The following USP3 variants were observed in gnomAD, a reference collection of about 807,000 sequenced individuals.
The protein encoded by USP3 is ubiquitin carboxyl-terminal hydrolase 3.
A neutral mutation model predicts 72.3 loss-of-function variants in USP3; 20 were observed. The observed-to-expected ratio is 0.28, with a 90% CI of 0.19 to 0.40. The LOEUF (loss-of-function observed/expected upper bound fraction) is 0.40. USP3 is among the 10% of genes least tolerant of loss of function. USP3 has a pLI of 1.00. For synonymous variants in USP3, 222 were observed against 225.3 expected, an observed-to-expected ratio of 0.99 and a Z score of 0.13; for missense variants, 479 against 633.9, an observed-to-expected ratio of 0.76 and a Z score of 2.62.
rs544717083 is a variant in USP3 at position 63,504,596 on chromosome 15, T to G, written c.-144T>G. 2.3e-5 allele frequency: 14 copies of G among 604,822 alleles called. No homozygotes were observed. The highest frequency in any genetic ancestry group is 2.3e-4 in the South Asian group (9 of 39,042). The allele number at this position is 604,822 out of a possible 1,614,324, so 37.5% of individuals were successfully genotyped here. ...ACCCGGCGTCCGGAAGCCCGTGCTT[T>G]CTTTGACGCAAGGGCTCGAGACGCA... On this transcript the variant is annotated 5_prime_UTR_variant, in exon 1 of 15. Coordinates refer to ENST00000380324, the MANE Select transcript of USP3 (RefSeq NM_006537.4).
rs529534063 is a variant in USP3, at chr15:63,504,626, C to T, written c.-114C>T. 6 of 887,964 alleles carry T rather than the reference C, an allele frequency of 6.8e-6. No homozygotes were observed. The South Asian group carries it at 9.5e-5, about 14-fold the overall frequency. 55.0% of individuals were successfully genotyped at this position (887,964 alleles called of 1,614,324 possible). A position where few individuals can be genotyped will look rare whatever the true frequency, so the allele number is the denominator to read the frequency against. On this transcript the variant is annotated 5_prime_UTR_variant, in exon 1 of 15. Coordinates refer to ENST00000380324, the MANE Select transcript of USP3 (RefSeq NM_006537.4). ...GACGCAAGGGCTCGAGACGCAGCCG[C>T]CGTCGGCCGAGCGCCCGGCTAGAAG... is the stretch of plus-strand genomic sequence containing the variant.
intron 2 of USP3, chr15:63,534,048 G>A (rs1384906642): frequency 1.4e-5 from 3 of 217,084 alleles, no homozygotes; most frequent in Non-Finnish European, 2.4e-5. Flanking sequence ...AGAGATTAAT[G>A]TTCTTAAACA....
chr15:63,585,207 CAGGATTCCTTG>C (rs928206720), intron 11 of USP3, among the ~76,000 whole-genome samples: 19 of 152,244 alleles, frequency 1.2e-4, no homozygotes, highest in African/African-American at 3.8e-4. Flanking sequence ...TTTGGCTATT[CAGGATTCCTTG>C]AGAGTCCATG....
intron 3 of USP3, among the ~76,000 whole-genome samples, chr15:63,539,981 G>A (rs958663970): frequency 1.1e-4 from 17 of 152,100 alleles, no homozygotes; most frequent in African/African-American, 4.1e-4. Context: ...TTGTTTCCTC[G>A]TGCCCGTTAG....
intron 11 of USP3, among the ~76,000 whole-genome samples, chr15:63,585,439 C>T (rs1048050729): frequency 2.0e-5 from 3 of 152,044 alleles, no homozygotes; most frequent in Non-Finnish European, 4.4e-5. Context: ...TAAATGTATT[C>T]CTAAGTACTT....
At chr15:63,567,245 G>T (rs1353423800) in intron 8 of USP3, among the ~76,000 whole-genome samples, 1 of 152,126 alleles carries the variant, frequency 6.6e-6, no homozygotes, top group South Asian at 2.1e-4. Context: ...GAGTGCAATG[G>T]CACAGTGCAA....
chr15:63,556,981 T>C, intron 5 of USP3: 1 of 373,422 alleles, frequency 2.7e-6, no homozygotes, highest in Non-Finnish European at 5.0e-6. Flanking sequence ...TCCTCTTCCC[T>C]AGAAAACAGT....
intron 1 of USP3, among the ~76,000 whole-genome samples, chr15:63,520,601 G>A (rs980599291): frequency 7.4e-5 from 5 of 67,930 alleles, no homozygotes; most frequent in African/African-American, 3.0e-4. Flanking sequence ...TTTTGCTCTT[G>A]TCCCCAGGCC....
At chr15:63,578,199 C>T (rs1322142326) in intron 11 of USP3, among the ~76,000 whole-genome samples, 3 of 151,782 alleles carry the variant, frequency 2.0e-5, no homozygotes, top group Non-Finnish European at 2.9e-5. Context: ...TGGCTTGAAC[C>T]GGGGAGGGAG....
At position 63,529,616 on chromosome 15, in the gene USP3, C is replaced by G. The variant is rs1456613163; in HGVS notation, c.92-3031C>G. Among the ~76,000 whole-genome samples the G allele has an allele frequency of 1.3e-5, 2 of 152,116 alleles. No individual in the cohort carries two copies. Among genetic ancestry groups the G allele is most frequent in the African/African-American group, 4.8e-5 (2 of 41,412 alleles). On this transcript the variant is annotated intron_variant, in intron 1 of 14. Transcript: ENST00000380324. The surrounding 1 kb of genome is among the most constrained non-coding windows in gnomAD (Gnocchi z 4.2). ...TAATACCCTGTTCTAAATGCAGGAA[C>G]ATGAAGAAATGTGTTCATGCACCTT...
At chr15:63,581,652 C>G (rs1169263527) in intron 11 of USP3, among the ~76,000 whole-genome samples, 1 of 150,746 alleles carries the variant, frequency 6.6e-6, no homozygotes, top group East Asian at 1.9e-4. Context: ...GCCTCGGCCT[C>G]CCAAAGTGCT....
chr15:63,546,777 G>A (rs1261293702), intron 3 of USP3, among the ~76,000 whole-genome samples: 1 of 151,730 alleles, frequency 6.6e-6, no homozygotes, highest in Non-Finnish European at 1.5e-5. Context: ...TTTTTTGGGT[G>A]GGGGGTATTT....
At chr15:63,584,722 T>G (rs2067026631) in intron 11 of USP3, among the ~76,000 whole-genome samples, 1 of 152,186 alleles carries the variant, frequency 6.6e-6, no homozygotes, top group Admixed American at 6.5e-5. Context: ...CATTCTGTGG[T>G]TCTCTTTATA....
At position 63,591,826 on chromosome 15, in the gene USP3, C is replaced by G. The variant is rs572882006; in HGVS notation, c.*1000C>G. The stretch of plus-strand genomic sequence containing the variant: ...GAGGAAATTTAGAATCTTCGCTGCT[C>G]TGGGTTTTAACACCTCTCTCTGGCC... On this transcript the variant is annotated 3_prime_UTR_variant, in exon 15 of 15. Coordinates refer to ENST00000380324, the MANE Select transcript of USP3 (RefSeq NM_006537.4). The G allele has an allele frequency of 6.6e-6, 1 of 152,270 alleles. No individual in the cohort carries two copies. The highest frequency in any genetic ancestry group is 2.4e-5 in the African/African-American group (1 of 41,548). The allele number at this position is 152,270 out of a possible 1,614,324, so 9.4% of individuals were successfully genotyped here. A position where few individuals can be genotyped will look rare whatever the true frequency, so the allele number is the denominator to read the frequency against.
intron 8 of USP3, among the ~76,000 whole-genome samples, chr15:63,568,369 A>AG (rs2066727853): frequency 6.6e-6 from 1 of 151,712 alleles, no homozygotes. Context: ...AAAAAAAAAA[A>AG]AAATTGGAGC....
At chr15:63,559,067 G>A (rs1430917817) in intron 6 of USP3, among the ~76,000 whole-genome samples, 1 of 151,960 alleles carries the variant, frequency 6.6e-6, no homozygotes, top group Non-Finnish European at 1.5e-5. Flanking sequence ...TATGTCAGAG[G>A]TTGCAATTTT....
intron 1 of USP3, among the ~76,000 whole-genome samples, 184 bp downstream of exon 1, chr15:63,505,014 GTTTCCCGAGGCCCGAC>G: frequency 6.6e-6 from 1 of 150,518 alleles, no homozygotes; most frequent in African/African-American, 2.4e-5. Flanking sequence ...CGGCTCCTTT[GTTTCCCGAGGCCCGAC>G]GGCCGGGCCA....
chr15:63,545,928 G>A (rs1436354195), intron 3 of USP3, among the ~76,000 whole-genome samples: 4 of 121,294 alleles, frequency 3.3e-5, no homozygotes, highest in Admixed American at 1.1e-4. Context: ...TTGAGATCAC[G>A]CCATTGCACT....
chr15:63,562,233 C>T (rs2066619032), intron 7 of USP3, among the ~76,000 whole-genome samples: 1 of 151,954 alleles, frequency 6.6e-6, no homozygotes, highest in Non-Finnish European at 1.5e-5. Context: ...TTTATATGCC[C>T]AGGAAAAAAA....
Sources: gnomAD v4.1 joint callset for allele counts (sites outside exome capture counted in the v4.1 genomes callset) on GRCh38, gnomAD v4.1.1 for gene constraint, Gnocchi (gnomAD v3.1) non-coding constraint, MANE v1.5 for transcripts, NCBI Gene and HGNC (gene_info 2026-07-23, HGNC 2026-07-21) for gene names.